TRPA1: variants seen among roughly 807,000 people sequenced by gnomAD.
The protein encoded by TRPA1 is transient receptor potential cation channel subfamily A member 1, also known as ankyrin-like with transmembrane domains 1.
TRPA1 carries 129 observed loss-of-function variants against 131.3 expected under a neutral mutation model. The ratio of observed to expected loss-of-function variants is 0.98; its 90% CI spans 0.85 to 1.14. The LOEUF (loss-of-function observed/expected upper bound fraction) is 1.14. Ranked by LOEUF, TRPA1 falls within the 50% of genes most tolerant of loss-of-function variation. TRPA1 has a pLI of 0.00. For synonymous variants in TRPA1, 441 were observed against 451.7 expected, an observed-to-expected ratio of 0.98 and a Z score of 0.30; for missense variants, 1,304 against 1,354.2, an observed-to-expected ratio of 0.96 and a Z score of 0.58.
the TRPA1 span, among the ~76,000 whole-genome samples, chr8:72,083,706 G>GCACT: frequency 6.6e-6 from 1 of 152,068 alleles, no homozygotes; most frequent in Non-Finnish European, 1.5e-5. Flanking sequence ...TAACACCACT[G>GCACT]CACTCCAGCA....
Position 72,026,052 on chromosome 8 carries a change from C to G in TRPA1, c.2959G>C (p.Glu987Gln). ...AGAAACCAAAGTGGCAGCTTCTTCT[C>G]TAAGCTGGTATGAAGTTCCACCTAA... ...AMQVELHTSL[E>Q]KKLPLWFLRK... Residue 987 changes from glutamate to glutamine, a missense_variant, in exon 25 of 27, where the codon GAG (glutamate) becomes CAG (glutamine). Transcript: ENST00000262209. 6.2e-7 allele frequency: 1 copy of G among 1,613,886 alleles called. No individual in the cohort carries two copies. Among genetic ancestry groups the G allele is most frequent in the Non-Finnish European group, 8.5e-7 (1 of 1,179,846 alleles).
rs777691105 is a variant in TRPA1 at position 72,034,217 on chromosome 8, A to G, written c.2685+31T>C. On this transcript the variant is annotated intron_variant, in intron 22 of 26. Transcript: ENST00000262209. ...ATATATATTTCCATAATTCACAGCG[A>G]CAAAATCAACTACTGATGTAACTGT... 3 of 1,586,894 alleles carry G rather than the reference A, an allele frequency of 1.9e-6. No homozygotes were observed. In the South Asian group the frequency reaches 3.6e-5, roughly 19 times the overall value.
At position 72,069,285 on chromosome 8, in the gene TRPA1, G is replaced by A. The variant is rs1806002637; in HGVS notation, c.269-87C>T. On this transcript the variant is annotated intron_variant, in intron 2 of 26. Transcript: ENST00000262209. Reference sequence around the variant, plus strand: ...GTGCCTATACACTATAAAACTCAGTGCCAAGTGCAAATGAAATCAGCTGCA... The same window carrying A: ...GTGCCTATACACTATAAAACTCAGTACCAAGTGCAAATGAAATCAGCTGCA... 6.8e-6 allele frequency: 9 copies of A among 1,320,682 alleles called. No individual in the cohort carries two copies. In the South Asian group the frequency reaches 1.1e-4, roughly 16 times the overall value. 81.8% of individuals were successfully genotyped at this position (1,320,682 alleles called of 1,614,324 possible).
chr8:72,039,399 A>T (rs960206358), intron 18 of TRPA1, among the ~76,000 whole-genome samples: 3 of 152,056 alleles, frequency 2.0e-5, no homozygotes, highest in African/African-American at 7.2e-5. Context: ...ATTTAATGTT[A>T]AAGATAAATT....
At chr8:72,033,503 G>A (rs13269244) in intron 23 of TRPA1, 141 bp downstream of exon 23, 191,528 of 805,638 alleles carry the variant, frequency 0.24, 24,887 homozygotes, top group Middle Eastern at 0.37. Context: ...CAGGCACCAA[G>A]TGAGTGTTGA....
the TRPA1 span, among the ~76,000 whole-genome samples, chr8:72,086,700 T>C: frequency 6.6e-6 from 1 of 152,212 alleles, no homozygotes; most frequent in African/African-American, 2.4e-5. Context: ...TCCTTCTTGG[T>C]ATTCTGAAAT....
In TRPA1 at chr8:72,022,628, G is replaced by T. The variant is rs2129432207; in HGVS notation, c.*278C>A. The T allele has an allele frequency of 2.0e-6, 1 of 506,054 alleles. No individual in the cohort carries two copies. The highest frequency in any genetic ancestry group is 3.6e-6 in the Non-Finnish European group (1 of 278,710). The allele number at this position is 506,054 out of a possible 1,614,324, so 31.3% of individuals were successfully genotyped here. On this transcript the variant is annotated 3_prime_UTR_variant, in exon 27 of 27. Transcript: ENST00000262209. ...CTTTTCATTAAAAATGTGTGTTCTA[G>T]CAAATTCATTTTCTACCCATTCAAA...
chr8:72,059,199 A>G (rs770655473), intron 8 of TRPA1, among the ~76,000 whole-genome samples, 191 bp downstream of exon 8: 1 of 152,228 alleles, frequency 6.6e-6, no homozygotes, highest in Non-Finnish European at 1.5e-5. Flanking sequence ...TCTAACTGTA[A>G]TAGTTTGGCT....
chr8:72,035,810 T>C (rs1266852493), intron 21 of TRPA1, among the ~76,000 whole-genome samples: 1 of 151,766 alleles, frequency 6.6e-6, no homozygotes, highest in Non-Finnish European at 1.5e-5. Context: ...ACTCCCCCTG[T>C]TTAGTCCAGA....
chr8:72,056,128 T>C, intron 10 of TRPA1: 1 of 482,868 alleles, frequency 2.1e-6, no homozygotes, highest in Non-Finnish European at 3.7e-6. Context: ...CTTAACATTT[T>C]TAACTCAGCA....
chr8:72,066,173 G>T (rs968439813), intron 3 of TRPA1, among the ~76,000 whole-genome samples: 1 of 152,156 alleles, frequency 6.6e-6, no homozygotes, highest in Non-Finnish European at 1.5e-5. Flanking sequence ...TAAGAAATTA[G>T]CATCCTGATA....
Position 72,026,089 on chromosome 8 carries a change from G to T in TRPA1, c.2938-16C>A. 1 of 1,594,274 alleles carries T rather than the reference G, an allele frequency of 6.3e-7. No homozygotes were observed. Among genetic ancestry groups the T allele is most frequent in the Non-Finnish European group, 8.6e-7 (1 of 1,162,368 alleles). ...GAAGTTCCACCTAAAGTGCATTTTG[G>T]ATTTATTGATAGAATCATTAGTTAG... is the stretch of plus-strand genomic sequence containing the variant. On this transcript the variant is annotated splice_polypyrimidine_tract_variant and intron_variant, in intron 24 of 26. Coordinates refer to ENST00000262209, the MANE Select transcript of TRPA1 (RefSeq NM_007332.3).
intron 24 of TRPA1, among the ~76,000 whole-genome samples, chr8:72,026,662 A>G (rs554846769): frequency 2.9e-4 from 44 of 152,362 alleles, no homozygotes; most frequent in African/African-American, 9.6e-4. Context: ...ATGAATTTTA[A>G]GTATAATTAC....
chr8:72,077,306 G>C (rs113192865), upstream of TRPA1, among the ~76,000 whole-genome samples: 1 of 150,866 alleles, frequency 6.6e-6, no homozygotes, highest in Non-Finnish European at 1.5e-5. Flanking sequence ...GGGGGGCAGC[G>C]TGGGCCAGTG....
rs1294136453 is a variant in TRPA1, at chr8:72,075,448, C to A, written c.-39G>T. On this transcript the variant is annotated 5_prime_UTR_variant, in exon 1 of 27. Transcript: ENST00000262209. The stretch of plus-strand genomic sequence containing the variant: ...GACGCCACCTGGTGCAGCTGCTCAC[C>A]ACGCGCGCGGGCACCTGGGGCGAGA... 1 of 1,538,456 alleles carries A rather than the reference C, an allele frequency of 6.5e-7. No individual in the cohort carries two copies. The highest frequency in any genetic ancestry group is 8.9e-7 in the Non-Finnish European group (1 of 1,122,112).
chr8:72,026,807 A>G (rs1349008812), intron 24 of TRPA1, among the ~76,000 whole-genome samples: 2 of 152,124 alleles, frequency 1.3e-5, no homozygotes, highest in Non-Finnish European at 2.9e-5. Flanking sequence ...ACTTGTAACT[A>G]CTAGTGAGAT....
intron 25 of TRPA1, among the ~76,000 whole-genome samples, 187 bp from the exon 26 acceptor site, chr8:72,024,098 A>T (rs975011311): frequency 2.0e-5 from 3 of 152,224 alleles, no homozygotes; most frequent in Non-Finnish European, 2.9e-5. Flanking sequence ...AGTCATACAT[A>T]TAATCAGAGA....
At chr8:72,078,630 T>C (rs532551416), upstream of TRPA1, among the ~76,000 whole-genome samples, 13 of 152,154 alleles carry the variant, frequency 8.5e-5, no homozygotes, top group Non-Finnish European at 1.8e-4. Context: ...TGTATGGGTA[T>C]ACCATGTTTT....
intron 7 of TRPA1, chr8:72,060,250 A>T (rs898147934): frequency 7.3e-5 from 10 of 136,374 alleles, no homozygotes; most frequent in African/African-American, 2.9e-4. Flanking sequence ...TGTTCTAAAG[A>T]TACATTTAAC....
Sources: allele counts gnomAD v4.1 joint callset (sites outside exome capture counted in the v4.1 genomes callset), GRCh38; gene constraint gnomAD v4.1.1; transcripts MANE v1.5; gene names NCBI Gene and HGNC (gene_info 2026-07-23, HGNC 2026-07-21).